The following SLC2A13 variants were observed in gnomAD, a reference collection of about 807,000 sequenced individuals.
The protein encoded by SLC2A13 is proton myo-inositol cotransporter.
A neutral mutation model predicts 64.4 loss-of-function variants in SLC2A13; 32 were observed. That is an observed-to-expected ratio of 0.50 (90% confidence interval 0.37 to 0.67). The LOEUF (loss-of-function observed/expected upper bound fraction) is 0.67, where lower values mean the gene tolerates loss of function less well. SLC2A13 is among the 30% of genes least tolerant of loss of function. The pLI, the probability that SLC2A13 is intolerant of heterozygous loss-of-function variation, is 0.00. For synonymous variants in SLC2A13, 338 were observed against 327.1 expected, an observed-to-expected ratio of 1.03 and a Z score of -0.36; for missense variants, 743 against 829.2, an observed-to-expected ratio of 0.90 and a Z score of 1.28.
At chr12:39,958,552 A>G (rs1486365272) in intron 3 of SLC2A13, among the ~76,000 whole-genome samples, 1 of 152,124 alleles carries the variant, frequency 6.6e-6, no homozygotes, top group Non-Finnish European at 1.5e-5. Flanking sequence ...TCCCGCCTCC[A>G]CATTGCTGCC....
chr12:40,044,452 G>A (rs1275970784), intron 2 of SLC2A13, among the ~76,000 whole-genome samples: 1 of 152,062 alleles, frequency 6.6e-6, no homozygotes, highest in Admixed American at 6.6e-5. Context: ...CAATTTAAAT[G>A]GATGAGTTGA....
intron 1 of SLC2A13, among the ~76,000 whole-genome samples, chr12:40,069,678 A>C (rs2136266996): frequency 6.6e-6 from 1 of 152,106 alleles, no homozygotes; most frequent in African/African-American, 2.4e-5. Context: ...TTTCTACAGG[A>C]AGCGGTTTCC....
rs563090098 is a variant in SLC2A13, at chr12:39,813,648, A to G, written c.1445+16455T>C. Among the ~76,000 whole-genome samples, 34 of 152,302 alleles carry G rather than the reference A, an allele frequency of 2.2e-4. No homozygotes were observed. In the South Asian group the frequency reaches 2.5e-3, roughly 11 times the overall value. The stretch of plus-strand genomic sequence containing the variant: ...TAAGTGACTTTTTTCAGTTCATTTG[A>G]ATCAAGATTCAAATAAGGCCCATTC... On this transcript the variant is annotated intron_variant, in intron 7 of 9. Coordinates refer to ENST00000280871, the MANE Select transcript of SLC2A13 (RefSeq NM_052885.4).
At chr12:40,039,218 A>G (rs978191818) in intron 2 of SLC2A13, among the ~76,000 whole-genome samples, 3 of 152,162 alleles carry the variant, frequency 2.0e-5, no homozygotes, top group African/African-American at 7.2e-5. Flanking sequence ...CTGTCTCTCT[A>G]GAAGTCTACT....
chr12:39,896,365 T>G (rs574241015), intron 4 of SLC2A13, among the ~76,000 whole-genome samples: 1 of 142,076 alleles, frequency 7.0e-6, no homozygotes, highest in South Asian at 2.2e-4. Flanking sequence ...TATGTGTATA[T>G]ATGTATACAT....
At chr12:39,780,007 T>C (rs1252033999) in intron 7 of SLC2A13, among the ~76,000 whole-genome samples, 2 of 152,216 alleles carry the variant, frequency 1.3e-5, no homozygotes, top group African/African-American at 4.8e-5. Flanking sequence ...TTCCATCAAG[T>C]GTGAGTTCTG....
At chr12:40,075,990 TCA>T (rs1190844858) in intron 1 of SLC2A13, among the ~76,000 whole-genome samples, 3 of 152,322 alleles carry the variant, frequency 2.0e-5, no homozygotes, top group South Asian at 4.1e-4. Context: ...ATCTCTTGGA[TCA>T]CAGTTACCAA....
chr12:39,980,175 G>T (rs1284587520), intron 3 of SLC2A13, among the ~76,000 whole-genome samples: 4 of 151,228 alleles, frequency 2.6e-5, no homozygotes, highest in Non-Finnish European at 5.9e-5. Context: ...TGAAGGAAGC[G>T]CTAAACATGG....
At chr12:39,885,481 T>G (rs1424296488) in intron 4 of SLC2A13, among the ~76,000 whole-genome samples, 2 of 152,170 alleles carry the variant, frequency 1.3e-5, no homozygotes, top group African/African-American at 4.8e-5. Flanking sequence ...TTCTACAATG[T>G]GGATGAAGCA....
At chr12:39,985,307 C>T (rs891149950) in intron 3 of SLC2A13, among the ~76,000 whole-genome samples, 1 of 152,034 alleles carries the variant, frequency 6.6e-6, no homozygotes, top group Non-Finnish European at 1.5e-5. Flanking sequence ...CCTATATCTG[C>T]CTGTTTCTCT....
intron 3 of SLC2A13, among the ~76,000 whole-genome samples, chr12:40,010,393 C>A (rs546891774): frequency 6.6e-6 from 1 of 152,118 alleles, no homozygotes; most frequent in East Asian, 1.9e-4. Flanking sequence ...ATTTTATCAC[C>A]CTAAAATATA....
At chr12:39,961,614 T>A (rs547036896) in intron 3 of SLC2A13, among the ~76,000 whole-genome samples, 1 of 152,212 alleles carries the variant, frequency 6.6e-6, no homozygotes, top group South Asian at 2.1e-4. Flanking sequence ...TCCTCTCGCC[T>A]CAACCTCCCG....
At chr12:39,891,624 G>C (rs1363919593) in intron 4 of SLC2A13, among the ~76,000 whole-genome samples, 1 of 152,084 alleles carries the variant, frequency 6.6e-6, no homozygotes, top group African/African-American at 2.4e-5. Context: ...ATCATTTTCT[G>C]CAGCCTATTA....
chr12:39,824,147 T>G (rs1409462182), intron 7 of SLC2A13, among the ~76,000 whole-genome samples: 4 of 152,204 alleles, frequency 2.6e-5, no homozygotes, highest in African/African-American at 9.6e-5. Context: ...CAAATATACA[T>G]TCAAACACAG....
At chr12:40,014,144 C>T (rs545923356) in intron 3 of SLC2A13, among the ~76,000 whole-genome samples, 4 of 152,150 alleles carry the variant, frequency 2.6e-5, no homozygotes, top group Non-Finnish European at 4.4e-5. Flanking sequence ...TATAATAATG[C>T]GCAAGTAGTA....
At chr12:40,008,154 C>T (rs1283195875) in intron 3 of SLC2A13, among the ~76,000 whole-genome samples, 2 of 152,074 alleles carry the variant, frequency 1.3e-5, no homozygotes, top group Admixed American at 1.3e-4. Context: ...TAGTAACACA[C>T]CTGCTAAAAT....
intron 7 of SLC2A13, among the ~76,000 whole-genome samples, chr12:39,790,286 T>A (rs894892279): frequency 6.6e-6 from 1 of 151,648 alleles, no homozygotes; most frequent in African/African-American, 2.4e-5. Context: ...TAGTTACATA[T>A]GTATACATGT....
chr12:39,992,559 C>A (rs1450335049), intron 3 of SLC2A13, among the ~76,000 whole-genome samples: 1 of 151,854 alleles, frequency 6.6e-6, no homozygotes, highest in Non-Finnish European at 1.5e-5. Context: ...GTTTTCCTTC[C>A]TTTTCATCCC....
At chr12:40,061,955 G>C (rs1825929817) in intron 1 of SLC2A13, among the ~76,000 whole-genome samples, 1 of 151,940 alleles carries the variant, frequency 6.6e-6, no homozygotes, top group Non-Finnish European at 1.5e-5. Flanking sequence ...AGTATATACA[G>C]AAAAAGAAAG....
Sources: gnomAD v4.1 joint callset for allele counts (sites outside exome capture counted in the v4.1 genomes callset) on GRCh38, gnomAD v4.1.1 for gene constraint, MANE v1.5 for transcripts, NCBI Gene and HGNC (gene_info 2026-07-23, HGNC 2026-07-21) for gene names.